CDH9: variants seen among roughly 807,000 people sequenced by gnomAD.
CDH9 encodes cadherin-9.
Under a neutral mutation model 70.9 loss-of-function variants are expected in CDH9, and 28 were observed. The ratio of observed to expected loss-of-function variants is 0.40; its 90% CI spans 0.29 to 0.54. The LOEUF (loss-of-function observed/expected upper bound fraction) is 0.54. Among genes scored for constraint, CDH9 ranks in the 20% least tolerant of loss-of-function variants. The pLI is 0.59. For missense variants in CDH9, 874 were observed against 984.4 expected, an observed-to-expected ratio of 0.89 and a Z score of 1.50; for synonymous variants, 409 against 343.1, an observed-to-expected ratio of 1.19 and a Z score of -2.12.
intron 1 of CDH9, among the ~76,000 whole-genome samples, chr5:27,037,705 A>C (rs1217898389): frequency 6.6e-6 from 1 of 151,980 alleles, no homozygotes. Flanking sequence ...AAATTTTTTA[A>C]ATGCCAATTT....
rs1275615228 is a variant in CDH9 at position 27,001,840 on chromosome 5, A to ACTCTCTCT, written c.-49-13459_-49-13458insAGAGAGAG. Among the ~76,000 whole-genome samples the ACTCTCTCT allele has an allele frequency of 2.8e-3, 340 of 123,466 alleles. 1 individual carries two copies. The highest frequency in any genetic ancestry group is 0.012 in the African/African-American group (330 of 27,634). 81.0% of individuals were successfully genotyped at this position (123,466 alleles called of 152,430 possible). A position where few individuals can be genotyped will look rare whatever the true frequency, so the allele number is the denominator to read the frequency against. On this transcript the variant is annotated intron_variant, in intron 1 of 11. Transcript: ENST00000231021. Reference sequence around the variant, plus strand: ...AGCAGTGCTTAACATACACACACACACACACTCTCTCTCTCTCTCTCTCTC... The same window carrying ACTCTCTCT: ...AGCAGTGCTTAACATACACACACACACTCTCTCTCACACTCTCTCTCTCTCTCTCTCTC...
intron 7 of CDH9, among the ~76,000 whole-genome samples, chr5:26,901,370 ACTGTTT>A (rs1740851321): frequency 6.6e-6 from 1 of 151,890 alleles, no homozygotes; most frequent in African/African-American, 2.4e-5. Flanking sequence ...GATTTTATGG[ACTGTTT>A]CTTAATTACA....
At chr5:26,945,667 C>T (rs907195311) in intron 2 of CDH9, among the ~76,000 whole-genome samples, 1 of 152,124 alleles carries the variant, frequency 6.6e-6, no homozygotes, top group Non-Finnish European at 1.5e-5. Context: ...ATGGTCATAT[C>T]ACATTTTCTT....
At chr5:26,894,137 A>G (rs1295058716) in intron 7 of CDH9, among the ~76,000 whole-genome samples, 1 of 152,104 alleles carries the variant, frequency 6.6e-6, no homozygotes, top group African/African-American at 2.4e-5. Context: ...CATAATATTC[A>G]CCTGTAAATA....
At chr5:27,003,347 C>T (rs1742804442) in intron 1 of CDH9, among the ~76,000 whole-genome samples, 1 of 152,090 alleles carries the variant, frequency 6.6e-6, no homozygotes, top group Non-Finnish European at 1.5e-5. Context: ...TATGTGAATA[C>T]TCTGCCCTCA....
At chr5:26,987,091 C>CT (rs201154706) in intron 2 of CDH9, among the ~76,000 whole-genome samples, 3,363 of 108,060 alleles carry the variant, frequency 0.031, 91 homozygotes, top group African/African-American at 0.047. Flanking sequence ...CACTTGTATT[C>CT]TTTTTTTTTT....
intron 7 of CDH9, among the ~76,000 whole-genome samples, chr5:26,892,412 T>G (rs1740675678): frequency 6.6e-6 from 1 of 152,212 alleles, no homozygotes; most frequent in Non-Finnish European, 1.5e-5. Context: ...AATCCTATGC[T>G]GTAGCTCCAC....
intron 2 of CDH9, among the ~76,000 whole-genome samples, chr5:26,968,563 T>G (rs1467041613): frequency 6.6e-6 from 1 of 152,092 alleles, no homozygotes; most frequent in Admixed American, 6.6e-5. Context: ...TGAGGGTACA[T>G]TTTTAAAAAT....
intron 7 of CDH9, among the ~76,000 whole-genome samples, chr5:26,891,053 G>A (rs1193834190): frequency 6.6e-6 from 1 of 152,098 alleles, no homozygotes; most frequent in Non-Finnish European, 1.5e-5. Context: ...ATATCCAGCT[G>A]AATCAAGGTC....
intron 1 of CDH9, among the ~76,000 whole-genome samples, chr5:27,024,846 A>G (rs1372944403): frequency 6.6e-6 from 1 of 152,098 alleles, no homozygotes; most frequent in African/African-American, 2.4e-5. Flanking sequence ...CTGAAAACAT[A>G]GGGCTAGTAG....
chr5:26,965,725 C>A (rs1742118658), intron 2 of CDH9, among the ~76,000 whole-genome samples: 1 of 151,804 alleles, frequency 6.6e-6, no homozygotes, highest in South Asian at 2.1e-4. Flanking sequence ...CTGGGTTTTA[C>A]CCAAGAAATG....
chr5:26,970,843 C>A (rs1286738771), intron 2 of CDH9, among the ~76,000 whole-genome samples: 2 of 151,990 alleles, frequency 1.3e-5, no homozygotes, highest in African/African-American at 4.8e-5. Context: ...ATAAAACTTG[C>A]AGGTCCTACA....
intron 2 of CDH9, among the ~76,000 whole-genome samples, chr5:26,952,068 C>T (rs1413287875): frequency 1.3e-5 from 2 of 150,402 alleles, no homozygotes; most frequent in African/African-American, 4.9e-5. Context: ...GCAACCTCCG[C>T]CTCTCGGGTT....
chr5:26,895,359 C>T (rs1407466994), intron 7 of CDH9, among the ~76,000 whole-genome samples: 1 of 151,770 alleles, frequency 6.6e-6, no homozygotes, highest in Non-Finnish European at 1.5e-5. Flanking sequence ...TATTATTTTA[C>T]CTTTTGCAAT....
chr5:26,995,397 A>T (rs1316096107), intron 1 of CDH9, among the ~76,000 whole-genome samples: 1 of 152,142 alleles, frequency 6.6e-6, no homozygotes, highest in African/African-American at 2.4e-5. Context: ...ATCTGCAGTG[A>T]TGTAGAGTAA....
At chr5:26,917,511 C>T (rs1203408276) in intron 2 of CDH9, among the ~76,000 whole-genome samples, 1 of 152,024 alleles carries the variant, frequency 6.6e-6, no homozygotes, top group Non-Finnish European at 1.5e-5. Flanking sequence ...CTGCCCTCAC[C>T]TATTTCTTCA....
At chr5:27,012,308 C>A (rs1451764727) in intron 1 of CDH9, among the ~76,000 whole-genome samples, 1 of 151,796 alleles carries the variant, frequency 6.6e-6, no homozygotes, top group African/African-American at 2.4e-5. Flanking sequence ...TATTTTCAAT[C>A]TACCATTGGC....
chr5:26,993,387 G>A (rs1341789186), intron 1 of CDH9, among the ~76,000 whole-genome samples: 1 of 152,064 alleles, frequency 6.6e-6, no homozygotes, highest in African/African-American at 2.4e-5. Context: ...TCTCTTTATA[G>A]TAAAATGTGA....
At position 27,036,287 on chromosome 5, in the gene CDH9, A is replaced by G. The variant is rs1032840196; in HGVS notation, c.-50+2176T>C. Among the ~76,000 whole-genome samples, 13 of 152,052 alleles carry G rather than the reference A, an allele frequency of 8.5e-5. No homozygotes were observed. The East Asian group carries it at 2.1e-3, about 25-fold the overall frequency. On this transcript the variant is annotated intron_variant, in intron 1 of 11. Transcript: ENST00000231021. ...TAAGCTTGGCATGTATAGGGGTTAC[A>G]GGAAAACACCAGAACAAATCCCTCC...
Sources: gnomAD v4.1 joint callset for allele counts (sites outside exome capture counted in the v4.1 genomes callset) on GRCh38, gnomAD v4.1.1 for gene constraint, MANE v1.5 for transcripts, NCBI Gene and HGNC (gene_info 2026-07-23, HGNC 2026-07-21) for gene names.